The following KIRREL3 variants were observed in gnomAD, a reference collection of about 807,000 sequenced individuals.
The protein encoded by KIRREL3 is kin of IRRE-like protein 3.
Under a neutral mutation model 89.7 loss-of-function variants are expected in KIRREL3, and 36 were observed. The ratio of observed to expected loss-of-function variants is 0.40; its 90% CI spans 0.31 to 0.53. The LOEUF is 0.53. KIRREL3 is among the 20% of genes least tolerant of loss of function. The pLI, the probability that KIRREL3 is intolerant of heterozygous loss-of-function variation, is 0.49. For missense variants in KIRREL3, 864 were observed against 1,056.6 expected, an observed-to-expected ratio of 0.82 and a Z score of 2.53; for synonymous variants, 445 against 441.4, an observed-to-expected ratio of 1.01 and a Z score of -0.10.
intron 1 of KIRREL3, among the ~76,000 whole-genome samples, chr11:126,625,354 G>A (rs900066139): frequency 2.0e-5 from 3 of 152,240 alleles, no homozygotes; most frequent in Non-Finnish European, 4.4e-5. Context: ...TGAAACAAGC[G>A]ACATTTTCTT....
Position 126,981,540 on chromosome 11 carries a change from T to A in KIRREL3, c.55+18915A>T, listed in dbSNP as rs1009512607. On this transcript the variant is annotated intron_variant, in intron 1 of 16. Transcript: ENST00000525144. This position sits in a 1 kb window ranked among gnomAD's most constrained non-coding sequence, Gnocchi z 4.2. ...TGGTCCCTGTTTCACTGAAATGAGATCTGCCTCTACCACCCGACTCTATGA... is the reference window on the plus strand; with the variant it reads ...TGGTCCCTGTTTCACTGAAATGAGAACTGCCTCTACCACCCGACTCTATGA... Among the ~76,000 whole-genome samples the A allele has an allele frequency of 1.3e-5, 2 of 152,192 alleles. No homozygotes were observed. Among genetic ancestry groups the A allele is most frequent in the Non-Finnish European group, 2.9e-5 (2 of 68,030 alleles).
chr11:126,552,344 C>G lies in KIRREL3; in HGVS notation c.133+10491G>C, dbSNP rs534935491. ...CAAACGAGTGGACTATTCTTACCACCAGGCCCCCTAGTTGGATTTACTCTT... is the reference window on the plus strand; with the variant it reads ...CAAACGAGTGGACTATTCTTACCACGAGGCCCCCTAGTTGGATTTACTCTT... On this transcript the variant is annotated intron_variant, in intron 2 of 16. Transcript: ENST00000525144. 6.6e-5 allele frequency among the ~76,000 whole-genome samples: 10 copies of G among 152,196 alleles called. No homozygotes were observed. The South Asian group carries it at 1.9e-3, about 28-fold the overall frequency.
chr11:126,547,392 T>C (rs1000622619), intron 2 of KIRREL3, among the ~76,000 whole-genome samples: 45 of 152,356 alleles, frequency 3.0e-4, no homozygotes, highest in Admixed American at 2.9e-3. Context: ...CCGTGTCTAA[T>C]CACGAAGGCT....
Position 126,996,357 on chromosome 11 carries a change from T to C in KIRREL3, c.55+4098A>G, listed in dbSNP as rs997043963. Reference sequence around the variant, plus strand: ...AGTGTAAGTGTTTCCAAAGTTGCTGTTCACTCCCCACTTTGTTTGCTGATT... The same window carrying C: ...AGTGTAAGTGTTTCCAAAGTTGCTGCTCACTCCCCACTTTGTTTGCTGATT... On this transcript the variant is annotated intron_variant, in intron 1 of 16. Coordinates refer to ENST00000525144, the MANE Select transcript of KIRREL3 (RefSeq NM_032531.4). The surrounding 1 kb of genome is among the most constrained non-coding windows in gnomAD (Gnocchi z 4.7). Among the ~76,000 whole-genome samples the C allele has an allele frequency of 6.6e-6, 1 of 152,180 alleles. No individual in the cohort carries two copies. The highest frequency in any genetic ancestry group is 6.5e-5 in the Admixed American group (1 of 15,290).
At chr11:126,722,999 T>A (rs1222648236) in intron 1 of KIRREL3, among the ~76,000 whole-genome samples, 1 of 152,222 alleles carries the variant, frequency 6.6e-6, no homozygotes, top group Admixed American at 6.5e-5. Flanking sequence ...ATCCTTTGTC[T>A]CCCACGGTGG....
intron 1 of KIRREL3, among the ~76,000 whole-genome samples, chr11:126,839,096 G>A (rs1043268231): frequency 6.6e-6 from 1 of 152,216 alleles, no homozygotes; most frequent in African/African-American, 2.4e-5. Flanking sequence ...GATGAGCCAT[G>A]AAAAAGTTTT....
intron 1 of KIRREL3, among the ~76,000 whole-genome samples, chr11:126,613,591 A>G (rs891070233): frequency 1.3e-5 from 2 of 152,082 alleles, no homozygotes; most frequent in African/African-American, 4.8e-5. Context: ...TGTGTTGGCC[A>G]CTGTTTGATA....
intron 1 of KIRREL3, among the ~76,000 whole-genome samples, chr11:126,925,554 G>C (rs1209870526): frequency 6.6e-6 from 1 of 152,178 alleles, no homozygotes; most frequent in Non-Finnish European, 1.5e-5. Context: ...TCAGGGACTG[G>C]GAGTTTGGCC....
chr11:126,583,317 T>G (rs887473863), intron 1 of KIRREL3, among the ~76,000 whole-genome samples: 2 of 152,154 alleles, frequency 1.3e-5, no homozygotes, highest in African/African-American at 4.8e-5. Flanking sequence ...TAAAATGAGA[T>G]TTCCTATTTC....
chr11:126,593,563 TCTC>T (rs2134717519), intron 1 of KIRREL3, among the ~76,000 whole-genome samples: 1 of 152,336 alleles, frequency 6.6e-6, no homozygotes, highest in South Asian at 2.1e-4. Context: ...TGCTGTCTGT[TCTC>T]CTCTGACTTG....
intron 1 of KIRREL3, among the ~76,000 whole-genome samples, chr11:126,599,987 A>G (rs1215770536): frequency 6.6e-6 from 1 of 152,230 alleles, no homozygotes; most frequent in African/African-American, 2.4e-5. Flanking sequence ...CTTCTAACCA[A>G]TAGAACACAG....
chr11:126,708,974 C>T lies in KIRREL3; in HGVS notation c.56-146062G>A, dbSNP rs750993400. Among the ~76,000 whole-genome samples, 25 of 152,272 alleles carry T rather than the reference C, an allele frequency of 1.6e-4. No individual in the cohort carries two copies. The highest frequency in any genetic ancestry group is 3.4e-3 in the Middle Eastern group (1 of 294). ...CTATCCCACTATTACTGTCCTGATC[C>T]GTGCTAATCCAACAGTTTCTGCCCC... On this transcript the variant is annotated intron_variant, in intron 1 of 16. Transcript: ENST00000525144. The surrounding 1 kb of genome is among the most constrained non-coding windows in gnomAD (Gnocchi z 5.7).
intron 12 of KIRREL3, 49 bp from the exon 13 acceptor site, chr11:126,435,352 G>T (rs549410097): frequency 4.4e-6 from 7 of 1,606,344 alleles, no homozygotes; most frequent in South Asian, 3.3e-5. Flanking sequence ...GGCTGGCCAG[G>T]GTGGGGTGGG....
At position 126,685,750 on chromosome 11, in the gene KIRREL3, C is replaced by G. The variant is rs1946640201; in HGVS notation, c.56-122838G>C. Among the ~76,000 whole-genome samples the G allele has an allele frequency of 6.6e-6, 1 of 152,216 alleles. No homozygotes were observed. The highest frequency in any genetic ancestry group is 1.9e-4 in the East Asian group (1 of 5,190). ...CCTATGACGGCAAATGTCTCCCCAC[C>G]GTCGGCAGCATCTTGGCCATTCAGA... On this transcript the variant is annotated intron_variant, in intron 1 of 16. Coordinates refer to ENST00000525144, the MANE Select transcript of KIRREL3 (RefSeq NM_032531.4). The surrounding 1 kb of genome is among the most constrained non-coding windows in gnomAD (Gnocchi z 5.5).
At chr11:126,467,060 G>C (rs1775311925) in intron 5 of KIRREL3, among the ~76,000 whole-genome samples, 1 of 152,226 alleles carries the variant, frequency 6.6e-6, no homozygotes, top group Admixed American at 6.5e-5. Flanking sequence ...GCATATAGAT[G>C]GCGTGTGTGC....
chr11:126,932,178 G>A (rs377257267), intron 1 of KIRREL3, among the ~76,000 whole-genome samples: 2 of 152,126 alleles, frequency 1.3e-5, no homozygotes, highest in South Asian at 2.1e-4. Flanking sequence ...ACAGCCTCTC[G>A]CCTGTTTGTC....
intron 1 of KIRREL3, among the ~76,000 whole-genome samples, chr11:126,921,389 TTGTATCTATCTA>T (rs919942761): frequency 8.0e-5 from 11 of 137,136 alleles, no homozygotes; most frequent in African/African-American, 3.0e-4. Context: ...TCATCCTGTC[TTGTATCTATCTA>T]TCTATCTATC....
intron 7 of KIRREL3, among the ~76,000 whole-genome samples, chr11:126,451,304 G>GT (rs1565464160): frequency 1.0e-4 from 15 of 145,710 alleles, no homozygotes; most frequent in African/African-American, 2.6e-4. Context: ...ATGTGTGCAT[G>GT]TGTGTGCATG....
rs1939233945 is a variant in KIRREL3, at chr11:126,551,218, A to G, written c.133+11617T>C. Among the ~76,000 whole-genome samples the G allele has an allele frequency of 6.6e-6, 1 of 152,148 alleles. No individual in the cohort carries two copies. Among genetic ancestry groups the G allele is most frequent in the South Asian group, 2.1e-4 (1 of 4,824 alleles). ...AGCTGCCCAGAAGCTCCCGAAACTC[A>G]GTCCTTTTGGGTTTTCATGGAAGCA... On this transcript the variant is annotated intron_variant, in intron 2 of 16. Transcript: ENST00000525144. The surrounding 1 kb of genome is among the most constrained non-coding windows in gnomAD (Gnocchi z 4.9).
Sources: allele counts gnomAD v4.1 joint callset (sites outside exome capture counted in the v4.1 genomes callset), GRCh38; gene constraint gnomAD v4.1.1; non-coding constraint Gnocchi (gnomAD v3.1); transcripts MANE v1.5; gene names NCBI Gene and HGNC (gene_info 2026-07-23, HGNC 2026-07-21).